The following FRAS1 variants were observed in gnomAD, a reference collection of about 807,000 sequenced individuals.
FRAS1 encodes Fraser extracellular matrix complex subunit 1, also known as extracellular matrix organizing protein FRAS1.
FRAS1 carries 290 observed loss-of-function variants against 435.2 expected under a neutral mutation model. The ratio of observed to expected loss-of-function variants is 0.67; its 90% CI spans 0.61 to 0.73. The LOEUF is 0.73. FRAS1 is among the 30% of genes least tolerant of loss of function. The probability of loss-of-function intolerance (pLI) is 0.00; values close to 1 mark genes in which losing one functional copy is unlikely to be tolerated. For synonymous variants in FRAS1, 1,800 were observed against 1,851.0 expected, an observed-to-expected ratio of 0.97 and a Z score of 0.71; for missense variants, 4,860 against 5,001.5, an observed-to-expected ratio of 0.97 and a Z score of 0.85.
At chr4:78,198,266 T>C (rs1722904759) in intron 2 of FRAS1, among the ~76,000 whole-genome samples, 1 of 152,240 alleles carries the variant, frequency 6.6e-6, no homozygotes, top group Non-Finnish European at 1.5e-5. Flanking sequence ...CTCCAGCCTC[T>C]AGCCCTGCAG....
In FRAS1 at chr4:78,448,154, G is replaced by C. The variant is rs370507573; in HGVS notation, c.6112G>C (p.Val2038Leu). Residue 2038 changes from valine (V) to leucine (L), a missense_variant, in exon 44 of 74, where the codon GTT (valine) becomes CTT (leucine). Physicochemically the swap from Val to Leu is conservative, Grantham distance 32. Coordinates refer to ENST00000512123, the MANE Select transcript of FRAS1 (RefSeq NM_025074.7). ...FTYQDILAGL[V>L]GYVPSVPGMV... ...CTACCAGGATATCCTAGCTGGGCTGGTTGGGTATGTGCCTAGTGTCCCTGG... is the reference window on the plus strand; with the variant it reads ...CTACCAGGATATCCTAGCTGGGCTGCTTGGGTATGTGCCTAGTGTCCCTGG... The C allele has an allele frequency of 1.9e-5, 31 of 1,613,764 alleles. No homozygotes were observed. In the African/African-American group the frequency reaches 3.5e-4, roughly 18 times the overall value.
chr4:78,248,151 TG>T (rs1264784228), intron 4 of FRAS1, among the ~76,000 whole-genome samples: 3 of 152,228 alleles, frequency 2.0e-5, no homozygotes, highest in Non-Finnish European at 4.4e-5. Flanking sequence ...TTGAACATTT[TG>T]GCTGACTCCA....
chr4:78,134,443 A>G (rs1719837066), intron 2 of FRAS1, among the ~76,000 whole-genome samples: 1 of 152,154 alleles, frequency 6.6e-6, no homozygotes, highest in Admixed American at 6.5e-5. Context: ...GCCTGTAATC[A>G]CATCATTTTT....
chr4:78,218,086 T>A (rs867647843), intron 2 of FRAS1, among the ~76,000 whole-genome samples: 10 of 15,276 alleles, frequency 6.5e-4, no homozygotes, highest in Middle Eastern at 0.033. Flanking sequence ...TCTCTCTCTC[T>A]CTCACTCTCT....
intron 2 of FRAS1, among the ~76,000 whole-genome samples, chr4:78,217,812 TC>T (rs1723835688): frequency 4.4e-5 from 1 of 22,770 alleles, no homozygotes; most frequent in Non-Finnish European, 8.4e-5. Flanking sequence ...TCCCCTCCCC[TC>T]TCCTCCCCTC....
chr4:78,392,512 C>T (rs1732487235), intron 29 of FRAS1, among the ~76,000 whole-genome samples: 1 of 151,760 alleles, frequency 6.6e-6, no homozygotes, highest in Non-Finnish European at 1.5e-5. Context: ...AAGATGGAGG[C>T]TTATGGCATT....
intron 15 of FRAS1, among the ~76,000 whole-genome samples, chr4:78,309,584 C>T (rs1728934551): frequency 1.3e-5 from 2 of 152,216 alleles, no homozygotes; most frequent in African/African-American, 4.8e-5. Flanking sequence ...CTTAGATCTT[C>T]TGGCTCTGGG....
At chr4:78,302,682 A>G (rs1011278976) in intron 14 of FRAS1, among the ~76,000 whole-genome samples, 11 of 151,144 alleles carry the variant, frequency 7.3e-5, no homozygotes, top group Non-Finnish European at 1.5e-4. Flanking sequence ...CATGTCCTTC[A>G]CCCACTTTTT....
chr4:78,416,031 T>C (rs926009679), intron 32 of FRAS1, among the ~76,000 whole-genome samples: 12 of 152,264 alleles, frequency 7.9e-5, no homozygotes, highest in African/African-American at 2.2e-4. Flanking sequence ...GCAATCTAAA[T>C]GTCTATCAGC....
chr4:78,218,104 A>T lies in FRAS1; in HGVS notation c.109-19406A>T, dbSNP rs1171888678. Among the ~76,000 whole-genome samples, 56 of 111,760 alleles carry T rather than the reference A, an allele frequency of 5.0e-4. 1 individual carries two copies. Among genetic ancestry groups the T allele is most frequent in the African/African-American group, 1.6e-3 (45 of 28,064 alleles). The allele number at this position is 111,760 out of a possible 152,430, so 73.3% of individuals were successfully genotyped here. Reference sequence around the variant, plus strand: ...CTCTCTCTCTCACTCTCTCTCACACACACACACACACACACACACACACAC... The same window carrying T: ...CTCTCTCTCTCACTCTCTCTCACACTCACACACACACACACACACACACAC... On this transcript the variant is annotated intron_variant, in intron 2 of 73. Transcript: ENST00000512123.
At chr4:78,498,651 C>T (rs1014788894) in intron 60 of FRAS1, among the ~76,000 whole-genome samples, 10 of 151,892 alleles carry the variant, frequency 6.6e-5, no homozygotes, top group East Asian at 3.9e-4. Flanking sequence ...GGGAAAGAAA[C>T]GGAAATAAAT....
intron 20 of FRAS1, among the ~76,000 whole-genome samples, chr4:78,343,326 A>G (rs1381162121): frequency 6.6e-6 from 1 of 152,110 alleles, no homozygotes; most frequent in Non-Finnish European, 1.5e-5. Flanking sequence ...TAACTAACTG[A>G]TATTTATACT....
Position 78,203,774 on chromosome 4 carries a change from G to A in FRAS1, c.109-33736G>A, listed in dbSNP as rs563350945. ...GTAGAAACAGGGTTTCACAATGTTAGCCAGGCTGGTCTCGAACTCCTGACC... is the reference window on the plus strand; with the variant it reads ...GTAGAAACAGGGTTTCACAATGTTAACCAGGCTGGTCTCGAACTCCTGACC... On this transcript the variant is annotated intron_variant, in intron 2 of 73. Transcript: ENST00000512123. Among the ~76,000 whole-genome samples the A allele has an allele frequency of 3.9e-5, 6 of 152,156 alleles. No homozygotes were observed. In the East Asian group the frequency reaches 5.8e-4, roughly 15 times the overall value.
At chr4:78,220,559 G>C (rs992971893) in intron 2 of FRAS1, among the ~76,000 whole-genome samples, 2 of 152,196 alleles carry the variant, frequency 1.3e-5, no homozygotes, top group Non-Finnish European at 2.9e-5. Context: ...CTACAGTCTT[G>C]TTCTTACCTG....
chr4:78,536,071 G>T (rs1275295679), intron 71 of FRAS1, among the ~76,000 whole-genome samples: 1 of 152,112 alleles, frequency 6.6e-6, no homozygotes, highest in African/African-American at 2.4e-5. Flanking sequence ...CTATCTTTTG[G>T]GCTCTTGGGA....
intron 29 of FRAS1, among the ~76,000 whole-genome samples, chr4:78,397,642 A>T (rs1732723366): frequency 6.6e-6 from 1 of 151,626 alleles, no homozygotes; most frequent in African/African-American, 2.4e-5. Flanking sequence ...AGTTAGTATG[A>T]TCTGCAGCTG....
chr4:78,400,209 C>T (rs7656232), intron 29 of FRAS1, among the ~76,000 whole-genome samples: 21,246 of 152,148 alleles, frequency 0.14, 1,877 homozygotes, highest in African/African-American at 0.25. Flanking sequence ...AAAATCTTCC[C>T]GAGTCTTCCT....
chr4:78,244,619 T>G (rs982724551), intron 3 of FRAS1, among the ~76,000 whole-genome samples: 2 of 152,200 alleles, frequency 1.3e-5, no homozygotes, highest in Non-Finnish European at 2.9e-5. Context: ...TGGTGGCCTA[T>G]TCTCTTGATA....
chr4:78,309,730 G>A lies in FRAS1; in HGVS notation c.1678+1521G>A, dbSNP rs17003117. 7.9e-3 allele frequency among the ~76,000 whole-genome samples: 1,194 copies of A among 151,504 alleles called. 15 individuals carry two copies. Among genetic ancestry groups the A allele is most frequent in the Middle Eastern group, 0.027 (8 of 294 alleles). ...TTCTTCACCTTCTTCTGTGTCTTCT[G>A]TCAGCCTTTAGATGAGCTGGCTACC... On this transcript the variant is annotated intron_variant, in intron 15 of 73. Transcript: ENST00000512123.
Sources: allele counts gnomAD v4.1 joint callset (sites outside exome capture counted in the v4.1 genomes callset), GRCh38; gene constraint gnomAD v4.1.1; transcripts MANE v1.5; gene names NCBI Gene and HGNC (gene_info 2026-07-23, HGNC 2026-07-21).